The following C10orf90 variants were observed in gnomAD, a reference collection of about 807,000 sequenced individuals.
C10orf90 encodes the protein (E2-independent) E3 ubiquitin-conjugating enzyme FATS.
In C10orf90, 56 loss-of-function variants were observed where a neutral mutation model predicts 62.5. The ratio of observed to expected loss-of-function variants is 0.90; its 90% CI spans 0.72 to 1.12. The LOEUF (loss-of-function observed/expected upper bound fraction) is 1.12, where lower values mean the gene tolerates loss of function less well. C10orf90 is among the 50% of genes most tolerant of loss of function. The probability of loss-of-function intolerance (pLI) is 0.00; values close to 1 mark genes in which losing one functional copy is unlikely to be tolerated. For missense variants in C10orf90, 970 were observed against 880.4 expected (o/e 1.10, Z -1.29); for synonymous variants, 386 against 340.4 (o/e 1.13, Z -1.47).
intron 4 of C10orf90, among the ~76,000 whole-genome samples, chr10:126,478,458 C>T (rs907286520): frequency 2.0e-5 from 3 of 152,210 alleles, no homozygotes; most frequent in African/African-American, 4.8e-5. Flanking sequence ...ATAGCTAAGG[C>T]ACGACTTTAA....
rs189647072 is a variant in C10orf90, at chr10:126,446,401, A to G, written c.2188+12639T>C. Among the ~76,000 whole-genome samples, 5 of 152,250 alleles carry G rather than the reference A, an allele frequency of 3.3e-5. No homozygotes were observed. The East Asian group carries it at 5.8e-4, about 18-fold the overall frequency. ...AGCAGCAAAAGAAATTAAGATCCTC[A>G]TATTCAAGGAAACCTCCATCAGGCT... On this transcript the variant is annotated intron_variant, in intron 7 of 9. Coordinates refer to ENST00000488181, the MANE Select transcript of C10orf90 (RefSeq NM_001350921.2).
chr10:126,618,014 C>A (rs573429097), intron 2 of C10orf90, among the ~76,000 whole-genome samples: 24 of 152,204 alleles, frequency 1.6e-4, no homozygotes, highest in Non-Finnish European at 3.1e-4. Context: ...CCCTTCTGAC[C>A]CTCTTGTGCA....
At chr10:126,621,587 G>A (rs1845644601) in intron 2 of C10orf90, among the ~76,000 whole-genome samples, 1 of 152,134 alleles carries the variant, frequency 6.6e-6, no homozygotes, top group Non-Finnish European at 1.5e-5. Context: ...CTTTGTGCAT[G>A]GAAAGAATTA....
intron 7 of C10orf90, among the ~76,000 whole-genome samples, chr10:126,431,989 C>A (rs2133990115): frequency 6.6e-6 from 1 of 152,308 alleles, no homozygotes; most frequent in East Asian, 1.9e-4. Context: ...GCAAAACAAG[C>A]AGGACTGTGT....
At chr10:126,565,282 ATATATTATATATT>A (rs1422646572) in intron 2 of C10orf90, among the ~76,000 whole-genome samples, 57 of 63,324 alleles carry the variant, frequency 9.0e-4, no homozygotes, top group African/African-American at 3.3e-3. Context: ...ATATTATATT[ATATATTATATATT>A]TATATTATAT....
intron 2 of C10orf90, among the ~76,000 whole-genome samples, chr10:126,554,279 T>C (rs774682658): frequency 3.9e-5 from 6 of 152,142 alleles, no homozygotes; most frequent in African/African-American, 9.7e-5. Context: ...CCAGAGCATA[T>C]ATTACATGAC....
intron 2 of C10orf90, among the ~76,000 whole-genome samples, chr10:126,619,265 C>A (rs1000353955): frequency 6.6e-6 from 1 of 152,138 alleles, no homozygotes; most frequent in Non-Finnish European, 1.5e-5. Flanking sequence ...TAGTCTTATG[C>A]ACGCCCTCCA....
chr10:126,484,585 A>T (rs1299021999), intron 4 of C10orf90, among the ~76,000 whole-genome samples: 1 of 152,238 alleles, frequency 6.6e-6, no homozygotes, highest in African/African-American at 2.4e-5. Flanking sequence ...GAGAGACTAG[A>T]GGGAGGCAGA....
At chr10:126,471,761 A>G (rs1247421787) in intron 4 of C10orf90, among the ~76,000 whole-genome samples, 1 of 152,196 alleles carries the variant, frequency 6.6e-6, no homozygotes, top group African/African-American at 2.4e-5. Flanking sequence ...TACCCACACA[A>G]AGAATATATA....
rs868648030 is a variant in C10orf90, at chr10:126,565,180, T to G, written c.314-51241A>C. Reference sequence around the variant, plus strand: ...TATAATATTTATATTACATATTATGTAATATAATATTTATATTACATATTA... The same window carrying G: ...TATAATATTTATATTACATATTATGGAATATAATATTTATATTACATATTA... On this transcript the variant is annotated intron_variant, in intron 2 of 9. Coordinates refer to ENST00000488181, the MANE Select transcript of C10orf90 (RefSeq NM_001350921.2). 2.6e-3 allele frequency among the ~76,000 whole-genome samples: 176 copies of G among 68,532 alleles called. 16 individuals carry two copies. The highest frequency in any genetic ancestry group is 8.6e-3 in the African/African-American group (151 of 17,538). The allele number at this position is 68,532 out of a possible 152,430, so 45.0% of individuals were successfully genotyped here. A position where few individuals can be genotyped will look rare whatever the true frequency, so the allele number is the denominator to read the frequency against.
intron 6 of C10orf90, 129 bp downstream of exon 6, chr10:126,461,272 C>G (rs1859955569): frequency 9.2e-7 from 1 of 1,082,098 alleles, no homozygotes. Flanking sequence ...CCTGCCCAGT[C>G]ACACAGCTGC....
At chr10:126,645,950 G>A (rs1249315878) in intron 2 of C10orf90, among the ~76,000 whole-genome samples, 1 of 152,242 alleles carries the variant, frequency 6.6e-6, no homozygotes, top group African/African-American at 2.4e-5. Context: ...TTTTAGAATT[G>A]AATTTGTTAG....
intron 2 of C10orf90, among the ~76,000 whole-genome samples, chr10:126,593,946 A>G (rs1845032068): frequency 6.6e-6 from 1 of 151,962 alleles, no homozygotes; most frequent in South Asian, 2.1e-4. Flanking sequence ...AGATGGCCAC[A>G]TGGTAAAGGA....
intron 5 of C10orf90, among the ~76,000 whole-genome samples, chr10:126,463,734 GCA>G (rs749488009): frequency 5.3e-5 from 8 of 152,206 alleles, no homozygotes; most frequent in Non-Finnish European, 1.2e-4. Flanking sequence ...AGATGCCTCT[GCA>G]CAGTCCCTCC....
intron 2 of C10orf90, among the ~76,000 whole-genome samples, chr10:126,565,190 T>A (rs1308464351): frequency 4.4e-5 from 1 of 22,962 alleles, no homozygotes; most frequent in Non-Finnish European, 9.1e-5. Flanking sequence ...TAATATAATA[T>A]TTATATTACA....
At chr10:126,502,806 C>A (rs532657941) in intron 4 of C10orf90, 3 of 528,440 alleles carry the variant, frequency 5.7e-6, no homozygotes, top group South Asian at 4.3e-5. Context: ...ACATTGATAG[C>A]TGCTTATGTT....
chr10:126,513,808 C>A (rs1350841579), intron 3 of C10orf90, 40 bp downstream of exon 3: 1 of 1,266,342 alleles, frequency 7.9e-7, no homozygotes, highest in Non-Finnish European at 1.2e-6. Context: ...TAGATGGGTG[C>A]ATTTTGCTGA....
intron 4 of C10orf90, among the ~76,000 whole-genome samples, chr10:126,501,809 A>G (rs1447559038): frequency 6.6e-6 from 1 of 152,180 alleles, no homozygotes; most frequent in African/African-American, 2.4e-5. Flanking sequence ...GTGAAGTAAC[A>G]TAGCAGTGGA....
chr10:126,580,945 C>G (rs1371227245), intron 2 of C10orf90, among the ~76,000 whole-genome samples: 1 of 151,826 alleles, frequency 6.6e-6, no homozygotes, highest in Non-Finnish European at 1.5e-5. Flanking sequence ...TGTTCTTGGC[C>G]ATTTTTCCAA....
Sources: gnomAD v4.1 joint callset for allele counts (sites outside exome capture counted in the v4.1 genomes callset) on GRCh38, gnomAD v4.1.1 for gene constraint, MANE v1.5 for transcripts, NCBI Gene and HGNC (gene_info 2026-07-23, HGNC 2026-07-21) for gene names.